DMRT1: variants seen among roughly 807,000 people sequenced by gnomAD.
DMRT1 encodes doublesex- and mab-3-related transcription factor 1.
A neutral mutation model predicts 32.3 loss-of-function variants in DMRT1; 7 were observed. That is an observed-to-expected ratio of 0.22 (90% CI 0.12 to 0.41). The LOEUF is 0.41. Among genes scored for constraint, DMRT1 ranks in the 10% least tolerant of loss-of-function variants. The probability of loss-of-function intolerance (pLI) is 1.00; values close to 1 mark genes in which losing one functional copy is unlikely to be tolerated. For missense variants in DMRT1, 625 were observed against 500.5 expected (o/e 1.25, Z -2.37); for synonymous variants, 278 against 206.1 (o/e 1.35, Z -2.99).
chr9:953,774 T>G (rs1296730995), intron 4 of DMRT1, among the ~76,000 whole-genome samples: 1 of 152,232 alleles, frequency 6.6e-6, no homozygotes, highest in African/African-American at 2.4e-5. Flanking sequence ...GGAAACAGAT[T>G]GGCTGGCTTT....
At position 862,750 on chromosome 9, in the gene DMRT1, A is replaced by G. The variant is rs561778553; in HGVS notation, c.538+15607A>G. Among the ~76,000 whole-genome samples the G allele has an allele frequency of 2.2e-4, 33 of 152,056 alleles. No homozygotes were observed. The South Asian group carries it at 6.4e-3, about 30-fold the overall frequency. ...AAGTGTAGTTTTGGTGGGTGTTGTC[A>G]ATGGTATTCCCTTCTGAGAGTGGCT... On this transcript the variant is annotated intron_variant, in intron 2 of 4. Coordinates refer to ENST00000382276, the MANE Select transcript of DMRT1 (RefSeq NM_021951.3).
intron 2 of DMRT1, among the ~76,000 whole-genome samples, chr9:863,927 A>C (rs1815842462): frequency 6.6e-6 from 1 of 152,086 alleles, no homozygotes; most frequent in African/African-American, 2.4e-5. Flanking sequence ...TTTATTGTGG[A>C]GATTGGCCCT....
chr9:958,728 G>A (rs988386744), intron 4 of DMRT1, among the ~76,000 whole-genome samples: 1 of 152,200 alleles, frequency 6.6e-6, no homozygotes, highest in Non-Finnish European at 1.5e-5. Context: ...CACATCCTAA[G>A]TGTAAATATT....
intron 2 of DMRT1, among the ~76,000 whole-genome samples, chr9:857,662 C>T (rs1208859603): frequency 6.6e-6 from 1 of 151,678 alleles, no homozygotes; most frequent in African/African-American, 2.4e-5. Flanking sequence ...TTTTAGGGTA[C>T]ATGTGCACAA....
At chr9:903,172 C>T (rs911772796) in intron 3 of DMRT1, among the ~76,000 whole-genome samples, 1 of 152,142 alleles carries the variant, frequency 6.6e-6, no homozygotes, top group Non-Finnish European at 1.5e-5. Flanking sequence ...GGACCCAATT[C>T]TCTTGGGTCT....
intron 3 of DMRT1, among the ~76,000 whole-genome samples, chr9:903,803 C>G (rs966867055): frequency 1.3e-5 from 2 of 152,194 alleles, no homozygotes; most frequent in African/African-American, 4.8e-5. Flanking sequence ...CAGAGAATAT[C>G]TAGAAGGAGT....
In DMRT1 at chr9:843,319, C is replaced by T. The variant is rs573622143; in HGVS notation, c.354+1127C>T. On this transcript the variant is annotated intron_variant, in intron 1 of 4. Coordinates refer to ENST00000382276, the MANE Select transcript of DMRT1 (RefSeq NM_021951.3). ...CAGCGTTGCGCGGTTTCCCTGCGCG[C>T]CTGGGGCGCTTTTTGTCTTCGCCCT... Among the ~76,000 whole-genome samples the T allele has an allele frequency of 1.7e-4, 26 of 152,338 alleles. 1 individual carries two copies. The East Asian group carries it at 3.7e-3, about 21-fold the overall frequency.
chr9:928,480 G>A (rs1302690979), intron 4 of DMRT1, among the ~76,000 whole-genome samples: 2 of 152,166 alleles, frequency 1.3e-5, no homozygotes, highest in Non-Finnish European at 2.9e-5. Context: ...CCTCTTAGTT[G>A]CAGTGTCTTC....
intron 2 of DMRT1, among the ~76,000 whole-genome samples, chr9:886,859 C>A (rs1165949906): frequency 6.6e-6 from 1 of 152,168 alleles, no homozygotes; most frequent in Non-Finnish European, 1.5e-5. Flanking sequence ...TTTGCTGTAG[C>A]ATGGGCTGGA....
rs1364317466 is a variant in DMRT1, at chr9:939,145, G to C, written c.967+22238G>C. Reference sequence around the variant, plus strand: ...GAATCCTCTTCGTTTACACGATTTAGTGGATCCTGACCTAGCCCTGCTCAT... The same window carrying C: ...GAATCCTCTTCGTTTACACGATTTACTGGATCCTGACCTAGCCCTGCTCAT... On this transcript the variant is annotated intron_variant, in intron 4 of 4. Transcript: ENST00000382276. Among the ~76,000 whole-genome samples, 4 of 152,204 alleles carry C rather than the reference G, an allele frequency of 2.6e-5. No individual in the cohort carries two copies. The East Asian group carries it at 7.7e-4, about 29-fold the overall frequency.
At chr9:855,225 G>C (rs1330167466) in intron 2 of DMRT1, among the ~76,000 whole-genome samples, 1 of 152,246 alleles carries the variant, frequency 6.6e-6, no homozygotes, top group African/African-American at 2.4e-5. Context: ...AACAAAGTAC[G>C]TAGGAAGTAA....
intron 1 of DMRT1, chr9:842,393 C>T (rs1028424156): frequency 1.5e-6 from 1 of 669,566 alleles, no homozygotes; most frequent in African/African-American, 1.8e-5. Context: ...CACCACCATG[C>T]CCGGCTAATT....
intron 4 of DMRT1, among the ~76,000 whole-genome samples, chr9:936,138 T>C (rs532366814): frequency 2.6e-4 from 39 of 152,362 alleles, no homozygotes; most frequent in African/African-American, 9.1e-4. Flanking sequence ...GTAAAATACA[T>C]TTCTCTCTCT....
At chr9:910,448 C>CTGT (rs1327884178) in intron 3 of DMRT1, among the ~76,000 whole-genome samples, 1 of 151,962 alleles carries the variant, frequency 6.6e-6, no homozygotes, top group Non-Finnish European at 1.5e-5. Flanking sequence ...CCTGGATAGA[C>CTGT]TGTTCACTTT....
intron 3 of DMRT1, among the ~76,000 whole-genome samples, chr9:905,731 C>T (rs143781083): frequency 2.0e-5 from 3 of 152,188 alleles, no homozygotes; most frequent in Non-Finnish European, 2.9e-5. Context: ...CGCTGCTGGG[C>T]ACTTCCTGTC....
chr9:871,664 C>A lies in DMRT1; in HGVS notation c.539-22248C>A, dbSNP rs12000459. Among the ~76,000 whole-genome samples, 458 of 145,198 alleles carry A rather than the reference C, an allele frequency of 3.2e-3. 5 individuals are homozygous for A. Among genetic ancestry groups the A allele is most frequent in the African/African-American group, 0.011 (430 of 38,088 alleles). On this transcript the variant is annotated intron_variant, in intron 2 of 4. Transcript: ENST00000382276. ...TAACTTTTTGTATTTTTAGTAGAGA[C>A]GGGGTTTCACCGTGTTAGCCAGGAT...
chr9:861,884 C>T (rs1390416520), intron 2 of DMRT1, among the ~76,000 whole-genome samples: 3 of 147,658 alleles, frequency 2.0e-5, no homozygotes, highest in Non-Finnish European at 4.5e-5. Flanking sequence ...CGGGCAGAGG[C>T]ACTCTTCACA....
intron 1 of DMRT1, among the ~76,000 whole-genome samples, chr9:845,774 TGCC>T (rs55729370): frequency 0.45 from 68,601 of 151,798 alleles, 16,366 homozygotes; most frequent in Non-Finnish European, 0.54. Context: ...AAGCAGACCC[TGCC>T]TGCCTTTCCT....
chr9:854,393 C>T (rs993317743), intron 2 of DMRT1, among the ~76,000 whole-genome samples: 3 of 152,202 alleles, frequency 2.0e-5, no homozygotes, highest in Non-Finnish European at 2.9e-5. Flanking sequence ...AAGTGATTCT[C>T]GTGCCTCAGC....
Sources: allele counts gnomAD v4.1 joint callset (sites outside exome capture counted in the v4.1 genomes callset), GRCh38; gene constraint gnomAD v4.1.1; transcripts MANE v1.5; gene names NCBI Gene and HGNC (gene_info 2026-07-23, HGNC 2026-07-21).